BRINP3: variants seen among roughly 807,000 people sequenced by gnomAD.
BRINP3 encodes BMP/retinoic acid inducible neural specific 3.
BRINP3 carries 19 observed loss-of-function variants against 71.0 expected under a neutral mutation model. The observed-to-expected ratio is 0.27, with a 90% CI of 0.19 to 0.39. BRINP3 has a LOEUF of 0.39. BRINP3 is among the 10% of genes least tolerant of loss of function. The pLI is 1.00. For missense variants in BRINP3, 959 were observed against 940.8 expected (o/e 1.02, Z -0.25); for synonymous variants, 380 against 337.7 (o/e 1.13, Z -1.37).
At chr1:190,278,676 C>T (rs1408679437) in intron 3 of BRINP3, among the ~76,000 whole-genome samples, 1 of 151,462 alleles carries the variant, frequency 6.6e-6, no homozygotes, top group African/African-American at 2.4e-5. Flanking sequence ...AAAACTCAAT[C>T]CAAGGAATAT....
At chr1:190,117,350 T>A (rs1041273687) in intron 7 of BRINP3, among the ~76,000 whole-genome samples, 2 of 152,030 alleles carry the variant, frequency 1.3e-5, no homozygotes, top group African/African-American at 2.4e-5. Flanking sequence ...ACACAATGGC[T>A]AATATTAAGG....
intron 4 of BRINP3, among the ~76,000 whole-genome samples, chr1:190,241,740 T>C (rs980912470): frequency 1.3e-5 from 2 of 151,930 alleles, no homozygotes; most frequent in Non-Finnish European, 2.9e-5. Context: ...AATACAAGTG[T>C]TGATTAGTTT....
At chr1:190,348,347 A>G (rs183107931) in intron 2 of BRINP3, among the ~76,000 whole-genome samples, 20 of 152,242 alleles carry the variant, frequency 1.3e-4, no homozygotes, top group Middle Eastern at 6.8e-3. Flanking sequence ...TGTGAATTCA[A>G]CCAATAAGTG....
chr1:190,369,439 ATTCAAATAATTATTTGAAT>A (rs1373496173), intron 2 of BRINP3, among the ~76,000 whole-genome samples: 1 of 152,120 alleles, frequency 6.6e-6, no homozygotes, highest in Non-Finnish European at 1.5e-5. Flanking sequence ...AGGTTGTACA[ATTCAAATAATTATTTGAAT>A]TAAAAAAGGT....
intron 3 of BRINP3, among the ~76,000 whole-genome samples, chr1:190,280,173 A>G (rs1662927431): frequency 6.6e-6 from 1 of 151,914 alleles, no homozygotes; most frequent in Non-Finnish European, 1.5e-5. Context: ...GGCACTATTG[A>G]TGAAAGAGTA....
intron 1 of BRINP3, among the ~76,000 whole-genome samples, chr1:190,457,929 A>C (rs1439753529): frequency 1.3e-5 from 2 of 152,026 alleles, no homozygotes; most frequent in African/African-American, 2.4e-5. Flanking sequence ...TAAAAAAAAA[A>C]AAAACTATAT....
intron 2 of BRINP3, among the ~76,000 whole-genome samples, chr1:190,429,489 CTGTT>C (rs767584243): frequency 4.0e-5 from 6 of 151,898 alleles, no homozygotes; most frequent in South Asian, 2.1e-4. Context: ...TAATTTTGCA[CTGTT>C]TGTTTGTAGT....
chr1:190,276,819 C>G (rs996579669), intron 3 of BRINP3, among the ~76,000 whole-genome samples: 1 of 150,094 alleles, frequency 6.7e-6, no homozygotes. Context: ...CTAAAAAATG[C>G]TTAAGTTTAG....
intron 2 of BRINP3, among the ~76,000 whole-genome samples, chr1:190,300,378 C>G (rs1353304041): frequency 6.6e-6 from 1 of 152,144 alleles, no homozygotes; most frequent in East Asian, 1.9e-4. Flanking sequence ...ACGTAGTTCT[C>G]AAGACTTGGT....
At chr1:190,154,877 A>G (rs374348651) in intron 7 of BRINP3, among the ~76,000 whole-genome samples, 1 of 152,244 alleles carries the variant, frequency 6.6e-6, no homozygotes, top group South Asian at 2.1e-4. Flanking sequence ...ATGGTTATTC[A>G]GACTTGGACA....
chr1:190,316,667 C>A (rs574699553), intron 2 of BRINP3, among the ~76,000 whole-genome samples: 8 of 152,098 alleles, frequency 5.3e-5, no homozygotes, highest in African/African-American at 1.7e-4. Context: ...GTTGCAGAGA[C>A]CTGTGGGACC....
intron 4 of BRINP3, among the ~76,000 whole-genome samples, chr1:190,259,900 G>T (rs1202015266): frequency 2.6e-5 from 4 of 151,448 alleles, no homozygotes; most frequent in African/African-American, 9.7e-5. Flanking sequence ...GTGGTGGCAG[G>T]CATCTTAGTC....
intron 7 of BRINP3, among the ~76,000 whole-genome samples, chr1:190,114,526 C>CTGTA (rs1652965176): frequency 1.4e-5 from 2 of 143,052 alleles, no homozygotes; most frequent in African/African-American, 5.1e-5. Flanking sequence ...AAGTTTGCCA[C>CTGTA]TGTGTGTGTG....
At chr1:190,425,075 G>A (rs1207985570) in intron 2 of BRINP3, among the ~76,000 whole-genome samples, 1 of 151,568 alleles carries the variant, frequency 6.6e-6, no homozygotes, top group East Asian at 1.9e-4. Context: ...CAAATAGCAA[G>A]AGATAAAGGA....
At chr1:190,474,927 C>G (rs1239743970) in intron 1 of BRINP3, 2 of 152,016 alleles carry the variant, frequency 1.3e-5, no homozygotes, top group Admixed American at 1.3e-4. Context: ...CTACTTCCCA[C>G]CCCCACCTCC....
At chr1:190,358,486 C>A (rs938521933) in intron 2 of BRINP3, among the ~76,000 whole-genome samples, 1 of 151,966 alleles carries the variant, frequency 6.6e-6, no homozygotes, top group Non-Finnish European at 1.5e-5. Flanking sequence ...CAGTTAGAAT[C>A]GCGATCATTA....
intron 6 of BRINP3, among the ~76,000 whole-genome samples, chr1:190,168,017 T>G (rs961688145): frequency 1.3e-5 from 2 of 152,114 alleles, no homozygotes; most frequent in Admixed American, 6.6e-5. Flanking sequence ...AATGAATATA[T>G]AATTACCCTC....
At chr1:190,222,709 T>G (rs1159593897) in intron 6 of BRINP3, among the ~76,000 whole-genome samples, 1 of 151,374 alleles carries the variant, frequency 6.6e-6, no homozygotes, top group South Asian at 2.1e-4. Context: ...TAAATGAAAT[T>G]TATACTAGAA....
chr1:190,432,024 TAGG>T (rs377559600), intron 2 of BRINP3, among the ~76,000 whole-genome samples: 64 of 152,236 alleles, frequency 4.2e-4, no homozygotes, highest in East Asian at 3.5e-3. Flanking sequence ...CTAAAGGTAC[TAGG>T]AGAACACCGT....
Sources: gnomAD v4.1 joint callset for allele counts (sites outside exome capture counted in the v4.1 genomes callset) on GRCh38, gnomAD v4.1.1 for gene constraint, MANE v1.5 for transcripts, NCBI Gene and HGNC (gene_info 2026-07-23, HGNC 2026-07-21) for gene names.